Variants in SPOCK3 observed in about 807,000 individuals in gnomAD.
SPOCK3 encodes SPARC (osteonectin), cwcv and kazal like domains proteoglycan 3, also known as testican-3.
Under a neutral mutation model 56.6 loss-of-function variants are expected in SPOCK3, and 30 were observed. The observed-to-expected ratio is 0.53, with a 90% CI of 0.40 to 0.72. The LOEUF (loss-of-function observed/expected upper bound fraction) is 0.72. Ranked by LOEUF, SPOCK3 falls within the 30% of genes least tolerant of loss-of-function variation. SPOCK3 has a pLI of 0.00. For missense variants in SPOCK3, 527 were observed against 530.0 expected (o/e 0.99, Z 0.06); for synonymous variants, 196 against 183.3 (o/e 1.07, Z -0.56).
At chr4:166,788,851 C>A (rs1226276206) in intron 7 of SPOCK3, among the ~76,000 whole-genome samples, 1 of 151,764 alleles carries the variant, frequency 6.6e-6, no homozygotes, top group Non-Finnish European at 1.5e-5. Flanking sequence ...ATAAAAGATT[C>A]ATGAAAAACA....
intron 6 of SPOCK3, among the ~76,000 whole-genome samples, chr4:166,820,459 G>T (rs9999341): frequency 6.6e-6 from 1 of 151,752 alleles, no homozygotes; most frequent in Non-Finnish European, 1.5e-5. Flanking sequence ...TACATTTAGG[G>T]TCATACAGCT....
chr4:167,018,062 ATAT>A (rs1352457013), intron 3 of SPOCK3, among the ~76,000 whole-genome samples: 1 of 152,048 alleles, frequency 6.6e-6, no homozygotes, highest in African/African-American at 2.4e-5. Flanking sequence ...CTAAGTAAAA[ATAT>A]TATATTTTTT....
intron 7 of SPOCK3, among the ~76,000 whole-genome samples, chr4:166,769,553 G>A (rs759704107): frequency 7.9e-5 from 12 of 152,212 alleles, no homozygotes; most frequent in South Asian, 2.1e-4. Context: ...TGGAAGCTTC[G>A]TCTCAGAGGG....
chr4:167,166,436 G>C (rs1765768955), intron 2 of SPOCK3, among the ~76,000 whole-genome samples: 1 of 151,900 alleles, frequency 6.6e-6, no homozygotes, highest in Non-Finnish European at 1.5e-5. Context: ...GTACTAAAAG[G>C]TAAACTGATC....
intron 5 of SPOCK3, among the ~76,000 whole-genome samples, chr4:166,905,453 T>C (rs1736506356): frequency 6.6e-6 from 1 of 152,060 alleles, no homozygotes; most frequent in African/African-American, 2.4e-5. Context: ...ACTGATATTA[T>C]ATGTTCTATT....
intron 6 of SPOCK3, among the ~76,000 whole-genome samples, chr4:166,877,476 A>G (rs558424472): frequency 4.7e-4 from 72 of 152,346 alleles, no homozygotes; most frequent in African/African-American, 1.7e-3. Context: ...TAAGCTAAAT[A>G]CAAATAAATA....
At chr4:167,113,063 G>A (rs188903005) in intron 2 of SPOCK3, among the ~76,000 whole-genome samples, 1 of 152,164 alleles carries the variant, frequency 6.6e-6, no homozygotes, top group Non-Finnish European at 1.5e-5. Flanking sequence ...AAGAATCAAC[G>A]TGAAAAGGTC....
intron 2 of SPOCK3, among the ~76,000 whole-genome samples, chr4:167,225,933 C>T (rs891987081): frequency 3.3e-5 from 5 of 152,156 alleles, no homozygotes; most frequent in Non-Finnish European, 7.4e-5. Context: ...AAGGGTGTCA[C>T]TTCTAGTATT....
chr4:166,928,241 G>T (rs1480097496), intron 4 of SPOCK3, among the ~76,000 whole-genome samples: 1 of 152,140 alleles, frequency 6.6e-6, no homozygotes, highest in East Asian at 1.9e-4. Flanking sequence ...TACACAAAAA[G>T]TTGAAAAGGT....
chr4:167,230,315 C>T (rs894665920), intron 2 of SPOCK3, among the ~76,000 whole-genome samples: 1 of 151,670 alleles, frequency 6.6e-6, no homozygotes, highest in Non-Finnish European at 1.5e-5. Context: ...AATACATAAG[C>T]CACTCGAGCT....
At chr4:166,996,584 G>T (rs574572397) in intron 4 of SPOCK3, among the ~76,000 whole-genome samples, 1 of 152,222 alleles carries the variant, frequency 6.6e-6, no homozygotes, top group South Asian at 2.1e-4. Flanking sequence ...ACATGCTGCA[G>T]CTAAAGTTCC....
Position 167,144,471 on chromosome 4 carries a change from G to A in SPOCK3, c.190-81934C>T, listed in dbSNP as rs1022788539. ...TTTCATACATTTATTTGCTCAGTTT[G>A]CAAGTTTTTAATAAGCATCTACTAT... On this transcript the variant is annotated intron_variant, in intron 2 of 10. Transcript: ENST00000357545. 3.3e-5 allele frequency among the ~76,000 whole-genome samples: 5 copies of A among 151,606 alleles called. No homozygotes were observed. The Admixed American group carries it at 3.3e-4, about 10-fold the overall frequency.
Position 166,899,103 on chromosome 4 carries a change from T to TG in SPOCK3, c.475-9860dup, listed in dbSNP as rs537541211. On this transcript the variant is annotated intron_variant, in intron 5 of 10. Coordinates refer to ENST00000357545, the MANE Select transcript of SPOCK3 (RefSeq NM_001040159.2). ...GACTCACATCTGGGACTTAACCATCTGGCCCTTGACTCTCACACCTTGGGC... is the reference window on the plus strand; with the variant it reads ...GACTCACATCTGGGACTTAACCATCTGGGCCCTTGACTCTCACACCTTGGGC... Among the ~76,000 whole-genome samples the TG allele has an allele frequency of 2.0e-5, 3 of 152,124 alleles. No individual in the cohort carries two copies. In the South Asian group the frequency reaches 6.2e-4, roughly 32 times the overall value.
chr4:166,802,385 G>A (rs993475861), intron 6 of SPOCK3, among the ~76,000 whole-genome samples: 2 of 152,162 alleles, frequency 1.3e-5, no homozygotes, highest in African/African-American at 2.4e-5. Flanking sequence ...AATAACAGCC[G>A]TTTTGGCTGA....
intron 2 of SPOCK3, among the ~76,000 whole-genome samples, chr4:167,156,607 G>A (rs988334723): frequency 1.3e-5 from 2 of 152,068 alleles, no homozygotes; most frequent in African/African-American, 4.8e-5. Context: ...GTGAAATACA[G>A]GATTTACTTA....
At chr4:166,986,887 A>C (rs1018215191) in intron 4 of SPOCK3, among the ~76,000 whole-genome samples, 1 of 152,078 alleles carries the variant, frequency 6.6e-6, no homozygotes, top group Non-Finnish European at 1.5e-5. Flanking sequence ...GTTTGGTTTG[A>C]CTGTCCATTC....
intron 3 of SPOCK3, among the ~76,000 whole-genome samples, chr4:167,057,107 C>G (rs1353621111): frequency 6.6e-6 from 1 of 152,120 alleles, no homozygotes; most frequent in South Asian, 2.1e-4. Flanking sequence ...ACTCTACAAG[C>G]CAGAAGAGAG....
rs35421281 is a variant in SPOCK3 at position 167,230,500 on chromosome 4, C to CAAA, written c.189+3482_189+3484dup. On this transcript the variant is annotated intron_variant, in intron 2 of 10. Coordinates refer to ENST00000357545, the MANE Select transcript of SPOCK3 (RefSeq NM_001040159.2). ...ATCACTAGTCAACAGAGCCCCCCAC[C>CAAA]AAAAAAAAAAAAAAAAAAAACCAGC... Among the ~76,000 whole-genome samples the CAAA allele has an allele frequency of 3.6e-4, 31 of 85,842 alleles. 1 individual carries two copies. The highest frequency in any genetic ancestry group is 1.2e-3 in the South Asian group (3 of 2,528). The allele number at this position is 85,842 out of a possible 152,430, so 56.3% of individuals were successfully genotyped here. A position where few individuals can be genotyped will look rare whatever the true frequency, so the allele number is the denominator to read the frequency against.
At chr4:167,157,340 TATA>T (rs1385395291) in intron 2 of SPOCK3, among the ~76,000 whole-genome samples, 4 of 152,094 alleles carry the variant, frequency 2.6e-5, no homozygotes, top group Non-Finnish European at 4.4e-5. Context: ...AGGTGAAGCA[TATA>T]ATAATTTAAA....
Sources: allele counts gnomAD v4.1 joint callset (sites outside exome capture counted in the v4.1 genomes callset), GRCh38; gene constraint gnomAD v4.1.1; transcripts MANE v1.5; gene names NCBI Gene and HGNC (gene_info 2026-07-23, HGNC 2026-07-21).